MEGF10: variants seen among roughly 807,000 people sequenced by gnomAD.
MEGF10 encodes the protein multiple epidermal growth factor-like domains protein 10.
A neutral mutation model predicts 147.5 loss-of-function variants in MEGF10; 86 were observed. That is an observed-to-expected ratio of 0.58 (90% confidence interval 0.49 to 0.70). The LOEUF (loss-of-function observed/expected upper bound fraction) is 0.70. MEGF10 is among the 30% of genes least tolerant of loss of function. The probability of loss-of-function intolerance (pLI) is 0.00; values close to 1 mark genes in which losing one functional copy is unlikely to be tolerated. For synonymous variants in MEGF10, 478 were observed against 525.5 expected (o/e 0.91, Z 1.24); for missense variants, 1,329 against 1,487.3 (o/e 0.89, Z 1.75).
intron 4 of MEGF10, among the ~76,000 whole-genome samples, chr5:127,343,023 T>A (rs1761742721): frequency 6.6e-6 from 1 of 151,988 alleles, no homozygotes; most frequent in Non-Finnish European, 1.5e-5. Flanking sequence ...TGGAGGTGAC[T>A]CCCAGTGACT....
intron 12 of MEGF10, among the ~76,000 whole-genome samples, chr5:127,421,983 C>T (rs1487836316): frequency 6.3e-4 from 79 of 125,576 alleles, no homozygotes; most frequent in African/African-American, 2.4e-3. Flanking sequence ...AGTGAGACTC[C>T]GTCTCAAAAA....
chr5:127,376,319 A>G (rs537079724), intron 5 of MEGF10, among the ~76,000 whole-genome samples: 1 of 152,314 alleles, frequency 6.6e-6, no homozygotes, highest in Admixed American at 6.5e-5. Flanking sequence ...GAAGATGGTG[A>G]AAGAAAAGAG....
At chr5:127,311,599 G>T (rs1040809508) in intron 1 of MEGF10, among the ~76,000 whole-genome samples, 1 of 152,176 alleles carries the variant, frequency 6.6e-6, no homozygotes, top group South Asian at 2.1e-4. Flanking sequence ...AATTGTCCCT[G>T]TGCTGCTGCC....
the MEGF10 span, among the ~76,000 whole-genome samples, chr5:127,272,051 A>G: frequency 1.3e-5 from 2 of 152,008 alleles, no homozygotes; most frequent in Non-Finnish European, 2.9e-5. Context: ...TAGAGTTTTT[A>G]TAGTTTTGGG....
chr5:127,400,757 A>C (rs1197831302), intron 7 of MEGF10, among the ~76,000 whole-genome samples: 1 of 152,190 alleles, frequency 6.6e-6, no homozygotes, highest in Non-Finnish European at 1.5e-5. Context: ...GAGTCCCAGC[A>C]CGTGGACAGA....
intron 9 of MEGF10, among the ~76,000 whole-genome samples, chr5:127,417,199 C>A (rs1260175556): frequency 2.6e-5 from 4 of 152,168 alleles, no homozygotes; most frequent in African/African-American, 9.7e-5. Context: ...CAGCTGCCAG[C>A]TACCAGGTAT....
intron 1 of MEGF10, among the ~76,000 whole-genome samples, chr5:127,298,816 T>C (rs1759634733): frequency 6.6e-6 from 1 of 152,126 alleles, no homozygotes. Context: ...AAAGGACCCA[T>C]TGTTCAGGGG....
the MEGF10 span, among the ~76,000 whole-genome samples, chr5:127,236,521 T>C: frequency 1.3e-5 from 2 of 152,226 alleles, no homozygotes; most frequent in Non-Finnish European, 2.9e-5. Context: ...ATGTACAGTG[T>C]GTTCATCTCT....
At position 127,443,143 on chromosome 5, in the gene MEGF10, A is replaced by C; in HGVS notation, c.2491+17A>C. 3 of 1,609,032 alleles carry C rather than the reference A, an allele frequency of 1.9e-6. No homozygotes were observed. The highest frequency in any genetic ancestry group is 2.5e-6 in the Non-Finnish European group (3 of 1,177,174). ...GTGATCAAGGTAAATATACTAGCTA[A>C]TGTTTGTAGCACTGCAGTATTGTGT... On this transcript the variant is annotated intron_variant, in intron 19 of 24. Coordinates refer to ENST00000503335, the MANE Select transcript of MEGF10 (RefSeq NM_001256545.2).
At chr5:127,354,331 G>A (rs1217493062) in intron 4 of MEGF10, among the ~76,000 whole-genome samples, 1 of 152,182 alleles carries the variant, frequency 6.6e-6, no homozygotes, top group Non-Finnish European at 1.5e-5. Context: ...CACTTTGGGA[G>A]TCACAATAAC....
At chr5:127,386,358 A>G (rs1763433935) in intron 5 of MEGF10, among the ~76,000 whole-genome samples, 1 of 152,198 alleles carries the variant, frequency 6.6e-6, no homozygotes, top group African/African-American at 2.4e-5. Context: ...GTGCCTCTCA[A>G]TTTGGCAATG....
intron 4 of MEGF10, among the ~76,000 whole-genome samples, chr5:127,350,777 A>G (rs1350392642): frequency 6.6e-6 from 1 of 152,080 alleles, no homozygotes; most frequent in Non-Finnish European, 1.5e-5. Flanking sequence ...TTTTTCATTG[A>G]TTTTTAAAAA....
intron 5 of MEGF10, among the ~76,000 whole-genome samples, chr5:127,373,013 G>T (rs967023686): frequency 2.6e-5 from 4 of 152,144 alleles, no homozygotes; most frequent in Admixed American, 6.5e-5. Context: ...AGGAAGATTT[G>T]CTTCTTCTCC....
At chr5:127,244,848 CA>C in the MEGF10 span, among the ~76,000 whole-genome samples, 378 of 151,500 alleles carry the variant, frequency 2.5e-3, 3 homozygotes, top group Middle Eastern at 0.021. Flanking sequence ...AAACAAAAAA[CA>C]AAAAAACAAA....
In MEGF10 at chr5:127,388,653, C is replaced by T. The variant is rs183517281; in HGVS notation, c.413-7879C>T. On this transcript the variant is annotated intron_variant, in intron 5 of 24. Coordinates refer to ENST00000503335, the MANE Select transcript of MEGF10 (RefSeq NM_001256545.2). ...CTCCGCCTCCTGGGTTCACACCATT[C>T]TCCTGCCTCAGCCTCCCAAGTAGCT... is the stretch of plus-strand genomic sequence containing the variant. 3.4e-3 allele frequency among the ~76,000 whole-genome samples: 523 copies of T among 152,152 alleles called. 4 individuals are homozygous for T. Among genetic ancestry groups the T allele is most frequent in the African/African-American group, 0.012 (507 of 41,504 alleles).
chr5:127,457,256 T>A lies in MEGF10; in HGVS notation c.3361T>A (p.Ser1121Thr). 1.2e-6 allele frequency: 2 copies of A among 1,613,996 alleles called. No individual in the cohort carries two copies. Among genetic ancestry groups the A allele is most frequent in the South Asian group, 2.2e-5 (2 of 91,064 alleles). The change falls in exon 25 of 25, where the codon TCC (serine) becomes ACC (threonine). Residue 1121 changes from serine to threonine, a missense_variant. Ser to Thr is a moderately conservative substitution (Grantham distance 58, BLOSUM62 1). Around this residue, in one of 3 missense-constraint regions of MEGF10, gnomAD observed 343 missense variants for 377.9 expected, o/e 0.91. Transcript: ENST00000503335. ...YDLLPVRDSS[S>T]SPKQEDSGGS... ...CCTGCTGCCAGTCCGAGACAGTTCA[T>A]CCTCCCCTAAGCAAGAGGACAGTGG...
At chr5:127,454,084 A>T (rs189315641) in intron 22 of MEGF10, among the ~76,000 whole-genome samples, 25 of 152,226 alleles carry the variant, frequency 1.6e-4, no homozygotes, top group Admixed American at 2.6e-4. Flanking sequence ...AAGAGCTAGT[A>T]TCACCTGTAA....
chr5:127,401,228 G>C (rs1764119488), intron 7 of MEGF10, among the ~76,000 whole-genome samples: 1 of 152,156 alleles, frequency 6.6e-6, no homozygotes, highest in South Asian at 2.1e-4. Flanking sequence ...AGAATGGAGA[G>C]ACTAGAGCGA....
At chr5:127,347,733 A>G (rs1010592693) in intron 4 of MEGF10, among the ~76,000 whole-genome samples, 3 of 152,070 alleles carry the variant, frequency 2.0e-5, no homozygotes, top group Non-Finnish European at 2.9e-5. Flanking sequence ...TTGGCCTCCA[A>G]TAAAAAAAAG....
Sources: gnomAD v4.1 joint callset for allele counts (sites outside exome capture counted in the v4.1 genomes callset) on GRCh38, gnomAD v4.1.1 for gene constraint, gnomAD v4.1.1 regional missense constraint, MANE v1.5 for transcripts, NCBI Gene and HGNC (gene_info 2026-07-23, HGNC 2026-07-21) for gene names.